Variants in ASXL2 observed in about 807,000 individuals in gnomAD.
ASXL2 encodes the protein putative Polycomb group protein ASXL2.
ASXL2 carries 23 observed loss-of-function variants against 122.0 expected under a neutral mutation model. The ratio of observed to expected loss-of-function variants is 0.19; its 90% CI spans 0.14 to 0.27. The LOEUF is 0.27. Ranked by LOEUF, ASXL2 falls within the 10% of genes least tolerant of loss-of-function variation. The pLI is 1.00. For missense variants in ASXL2, 1,518 were observed against 1,713.8 expected (o/e 0.89, Z 2.02); for synonymous variants, 650 against 637.0 (o/e 1.02, Z -0.31).
chr2:25,877,179 C>T (rs570976932), intron 1 of ASXL2, among the ~76,000 whole-genome samples: 1 of 152,256 alleles, frequency 6.6e-6, no homozygotes, highest in Admixed American at 6.5e-5. Context: ...CGGCATTAAT[C>T]ACCATTAAAG....
At chr2:25,749,635 T>C in intron 12 of ASXL2, 61 bp downstream of exon 12, 2 of 1,352,752 alleles carry the variant, frequency 1.5e-6, no homozygotes, top group African/African-American at 2.9e-5. Context: ...ATTTAGTAGG[T>C]ATGACCAAAA....
rs1559498565 is a variant in ASXL2, at chr2:25,744,288, GGCTGCAGCAGCTGCGGCGGCAGCGGCA to G, written c.2022_2048del (p.Ala676_Ala684del). 8.7e-6 allele frequency: 14 copies of G among 1,611,696 alleles called. No individual in the cohort carries two copies. The highest frequency in any genetic ancestry group is 1.1e-5 in the Non-Finnish European group (13 of 1,179,352). On this transcript the variant is annotated inframe_deletion, in exon 13 of 13. Transcript: ENST00000435504. The surrounding 1 kb of genome is among the most constrained non-coding windows in gnomAD (Gnocchi z 4.7). ...CTGGAATGGTCCCTCCAACTGAGGC[GGCTGCAGCAGCTGCGGCGGCAGCGGCA>G]GCTGCTGCCCTCTGTGCTTTGACCA...
chr2:25,809,988 G>T, intron 3 of ASXL2: 1 of 532,030 alleles, frequency 1.9e-6, no homozygotes, highest in Non-Finnish European at 3.7e-6. Flanking sequence ...GCCCCTCTTT[G>T]GTACATTTTC....
rs896487664 is a variant in ASXL2 at position 25,865,493 on chromosome 2, C to T, written c.57+12673G>A. On this transcript the variant is annotated intron_variant, in intron 1 of 12. Coordinates refer to ENST00000435504, the MANE Select transcript of ASXL2 (RefSeq NM_018263.6). ...TTTTTAAATCCAAATATAGGCTGGG[C>T]GTGGTGGCTCACGCCTGTAATCCCA... Among the ~76,000 whole-genome samples, 7 of 150,832 alleles carry T rather than the reference C, an allele frequency of 4.6e-5. No homozygotes were observed. The East Asian group carries it at 5.9e-4, about 13-fold the overall frequency.
chr2:25,825,889 GT>G (rs1413112271), intron 3 of ASXL2, among the ~76,000 whole-genome samples: 1 of 152,134 alleles, frequency 6.6e-6, no homozygotes, highest in Non-Finnish European at 1.5e-5. Context: ...CTCTCTCTCT[GT>G]TTTCAACACC....
intron 3 of ASXL2, among the ~76,000 whole-genome samples, chr2:25,826,087 CCTT>C (rs1220636214): frequency 6.6e-6 from 1 of 152,122 alleles, no homozygotes; most frequent in East Asian, 1.9e-4. Flanking sequence ...TTCACAAATT[CCTT>C]CTTAAGCTAA....
At chr2:25,846,635 G>A (rs1372644675) in intron 1 of ASXL2, among the ~76,000 whole-genome samples, 4 of 149,950 alleles carry the variant, frequency 2.7e-5, no homozygotes, top group Admixed American at 6.7e-5. Flanking sequence ...GCAACAGAGC[G>A]AGACTCCATC....
intron 8 of ASXL2, among the ~76,000 whole-genome samples, chr2:25,762,496 T>C (rs2088271295): frequency 6.6e-6 from 1 of 151,536 alleles, no homozygotes; most frequent in African/African-American, 2.4e-5. Context: ...TGAAAACCCA[T>C]TTCTACTAAA....
At chr2:25,831,856 A>T (rs990532398) in intron 3 of ASXL2, among the ~76,000 whole-genome samples, 5 of 152,212 alleles carry the variant, frequency 3.3e-5, no homozygotes, top group Non-Finnish European at 7.3e-5. Flanking sequence ...GAGAGAAACA[A>T]CACATTACTA....
intron 1 of ASXL2, among the ~76,000 whole-genome samples, chr2:25,858,327 G>A (rs1164982358): frequency 6.6e-6 from 1 of 151,540 alleles, no homozygotes; most frequent in African/African-American, 2.4e-5. Flanking sequence ...TGACAAAATG[G>A]CCTCTCCATC....
At position 25,878,480 on chromosome 2, in the gene ASXL2, G is replaced by A. The variant is rs186796338; in HGVS notation, c.-258C>T. 5 of 501,924 alleles carry A rather than the reference G, an allele frequency of 1.0e-5. No individual in the cohort carries two copies. Among genetic ancestry groups the A allele is most frequent in the Non-Finnish European group, 1.4e-5 (4 of 282,600 alleles). The allele number at this position is 501,924 out of a possible 1,614,324, so 31.1% of individuals were successfully genotyped here. On this transcript the variant is annotated 5_prime_UTR_variant, in exon 1 of 13. Coordinates refer to ENST00000435504, the MANE Select transcript of ASXL2 (RefSeq NM_018263.6). ...TTCTTACTGTACAGGCTGCCGCTAC[G>A]GTCATGTGACCGCTCCCGCGCGGCC...
chr2:25,821,191 A>G (rs2089304918), intron 3 of ASXL2, among the ~76,000 whole-genome samples: 1 of 151,978 alleles, frequency 6.6e-6, no homozygotes, highest in Non-Finnish European at 1.5e-5. Context: ...AAAAGAAAAA[A>G]TCAAAAAAAT....
chr2:25,807,338 G>C (rs1002181799), intron 3 of ASXL2, among the ~76,000 whole-genome samples: 2 of 152,188 alleles, frequency 1.3e-5, no homozygotes, highest in Non-Finnish European at 2.9e-5. Context: ...GCTGGGAAGA[G>C]CTGGGACATG....
intron 1 of ASXL2, among the ~76,000 whole-genome samples, chr2:25,868,690 A>G (rs922055969): frequency 6.6e-6 from 1 of 152,222 alleles, no homozygotes; most frequent in Non-Finnish European, 1.5e-5. Context: ...ATGGCAAACA[A>G]TACTTAATAT....
chr2:25,836,730 A>C (rs1203248155), intron 2 of ASXL2, among the ~76,000 whole-genome samples: 1 of 152,178 alleles, frequency 6.6e-6, no homozygotes, highest in Non-Finnish European at 1.5e-5. Flanking sequence ...TTCATTAGCT[A>C]TATAACTTAC....
intron 3 of ASXL2, among the ~76,000 whole-genome samples, chr2:25,827,545 G>A (rs1450779937): frequency 6.6e-6 from 1 of 152,028 alleles, no homozygotes; most frequent in African/African-American, 2.4e-5. Context: ...GATTCATTCG[G>A]ATTAACAACT....
rs988191097 is a variant in ASXL2, at chr2:25,744,638, T to C, written c.1861-162A>G. Among the ~76,000 whole-genome samples the C allele has an allele frequency of 6.6e-6, 1 of 152,168 alleles. No individual in the cohort carries two copies. Among genetic ancestry groups the C allele is most frequent in the Non-Finnish European group, 1.5e-5 (1 of 68,020 alleles). On this transcript the variant is annotated intron_variant, in intron 12 of 12. Coordinates refer to ENST00000435504, the MANE Select transcript of ASXL2 (RefSeq NM_018263.6). The surrounding 1 kb of genome is among the most constrained non-coding windows in gnomAD (Gnocchi z 4.7). ...AGAGGCCAAACCTTGGAGACAGCAA[T>C]ACTAGTTTGTCTCTAGGGTCCTTGC...
intron 1 of ASXL2, among the ~76,000 whole-genome samples, chr2:25,873,194 C>G (rs1266944193): frequency 6.6e-6 from 1 of 152,036 alleles, no homozygotes; most frequent in Non-Finnish European, 1.5e-5. Flanking sequence ...TTAGCCCATG[C>G]CAATGCTTTC....
intron 5 of ASXL2, among the ~76,000 whole-genome samples, chr2:25,784,290 A>C (rs771087529): frequency 1.4e-4 from 22 of 151,964 alleles, no homozygotes; most frequent in Non-Finnish European, 2.8e-4. Context: ...GTGGCACCAA[A>C]CCCTTGTATA....
Sources: allele counts gnomAD v4.1 joint callset (sites outside exome capture counted in the v4.1 genomes callset), GRCh38; gene constraint gnomAD v4.1.1; non-coding constraint Gnocchi (gnomAD v3.1); transcripts MANE v1.5; gene names NCBI Gene and HGNC (gene_info 2026-07-23, HGNC 2026-07-21).